The following GPD2 variants were observed in gnomAD, a reference collection of about 807,000 sequenced individuals.
The protein encoded by GPD2 is glycerol-3-phosphate dehydrogenase, mitochondrial.
Under a neutral mutation model 82.4 loss-of-function variants are expected in GPD2, and 54 were observed. That is an observed-to-expected ratio of 0.66 (90% CI 0.53 to 0.82). The LOEUF is 0.82. GPD2 is among the 40% of genes least tolerant of loss of function. GPD2 has a pLI of 0.00. For missense variants in GPD2, 748 were observed against 896.2 expected, an observed-to-expected ratio of 0.83 and a Z score of 2.11; for synonymous variants, 288 against 306.1, an observed-to-expected ratio of 0.94 and a Z score of 0.62.
upstream of GPD2, among the ~76,000 whole-genome samples, chr2:156,430,756 G>A (rs57994443): frequency 6.6e-6 from 1 of 152,184 alleles, no homozygotes; most frequent in Non-Finnish European, 1.5e-5. Context: ...GGAAAAATTT[G>A]TTTTTCTCTA....
At position 156,459,686 on chromosome 2, in the gene GPD2, C is replaced by CAAAAAAAAAAAAAAAAAAAAAAA. The variant is rs564494059; in HGVS notation, c.-8-16411_-8-16389dup. 4.1e-3 allele frequency among the ~76,000 whole-genome samples: 158 copies of CAAAAAAAAAAAAAAAAAAAAAAA among 38,724 alleles called. 5 individuals are homozygous for CAAAAAAAAAAAAAAAAAAAAAAA. The highest frequency in any genetic ancestry group is 9.1e-3 in the South Asian group (6 of 662). 25.4% of individuals were successfully genotyped at this position (38,724 alleles called of 152,430 possible). ...CTGGCGACAGAGCAAGACTCCGTCTCAAAAAAAAAAAAAAAAAAAAAAAGA... is the reference window on the plus strand; with the variant it reads ...CTGGCGACAGAGCAAGACTCCGTCTCAAAAAAAAAAAAAAAAAAAAAAAAAAAAAAAAAAAAAAAAAAAAAAGA... On this transcript the variant is annotated intron_variant, in intron 1 of 16. Coordinates refer to ENST00000438166, the MANE Select transcript of GPD2 (RefSeq NM_000408.5).
chr2:156,536,576 C>A (rs1209359632), intron 6 of GPD2, among the ~76,000 whole-genome samples: 1 of 152,186 alleles, frequency 6.6e-6, no homozygotes, highest in Non-Finnish European at 1.5e-5. Flanking sequence ...CAGCACTTAA[C>A]CTTGACTATG....
In GPD2 at chr2:156,583,190, T is replaced by C. The variant is rs1574027421; in HGVS notation, c.*272T>C. 2.4e-6 allele frequency: 1 copy of C among 417,046 alleles called. No homozygotes were observed. Among genetic ancestry groups the C allele is most frequent in the East Asian group, 5.2e-5 (1 of 19,258 alleles). 25.8% of individuals were successfully genotyped at this position (417,046 alleles called of 1,614,324 possible). Reference sequence around the variant, plus strand: ...AGTTTTGCATCTGTTTTGTGACCTGTTAGATGTGACACATTCTCTTTTTGT... The same window carrying C: ...AGTTTTGCATCTGTTTTGTGACCTGCTAGATGTGACACATTCTCTTTTTGT... On this transcript the variant is annotated 3_prime_UTR_variant, in exon 17 of 17. Transcript: ENST00000438166.
At chr2:156,451,115 TC>T (rs914525211) in intron 1 of GPD2, among the ~76,000 whole-genome samples, 31 of 148,538 alleles carry the variant, frequency 2.1e-4, no homozygotes, top group African/African-American at 6.9e-4. Context: ...TCCCCACCTT[TC>T]CCCCCGTTCT....
At chr2:156,412,758 A>G in the GPD2 span, among the ~76,000 whole-genome samples, 1 of 152,156 alleles carries the variant, frequency 6.6e-6, no homozygotes, top group South Asian at 2.1e-4. Flanking sequence ...TTGGCTTTGG[A>G]TTATCCTAAA....
intron 1 of GPD2, among the ~76,000 whole-genome samples, chr2:156,464,670 ATGAAC>A (rs2105181519): frequency 6.6e-6 from 1 of 152,266 alleles, no homozygotes; most frequent in Non-Finnish European, 1.5e-5. Context: ...TTCTTTTACA[ATGAAC>A]TGAACAATAA....
At chr2:156,419,908 A>G in the GPD2 span, among the ~76,000 whole-genome samples, 1 of 152,358 alleles carries the variant, frequency 6.6e-6, no homozygotes, top group South Asian at 2.1e-4. Flanking sequence ...CAGCATTTTT[A>G]AGGTCTAACA....
intron 6 of GPD2, among the ~76,000 whole-genome samples, chr2:156,529,810 G>A (rs541108383): frequency 0.01 from 1,527 of 151,892 alleles, 28 homozygotes; most frequent in African/African-American, 0.035. Flanking sequence ...CTCTGTTTTC[G>A]TACCAGTACC....
At chr2:156,554,966 C>T (rs994045124) in intron 8 of GPD2, among the ~76,000 whole-genome samples, 2 of 152,186 alleles carry the variant, frequency 1.3e-5, no homozygotes, top group Non-Finnish European at 2.9e-5. Context: ...AGCTTTTCCT[C>T]CTGATGTCAA....
chr2:156,521,598 A>G (rs1411037995), intron 6 of GPD2, among the ~76,000 whole-genome samples: 2 of 152,230 alleles, frequency 1.3e-5, no homozygotes, highest in Non-Finnish European at 2.9e-5. Context: ...CATCAGTTCC[A>G]CAAGCATCCC....
upstream of GPD2, among the ~76,000 whole-genome samples, chr2:156,431,898 T>TG (rs1688320825): frequency 6.7e-6 from 1 of 150,374 alleles, no homozygotes. Flanking sequence ...TTTTTTTTTT[T>TG]TTTTTTGAGA....
At chr2:156,494,591 T>G (rs1205138125) in intron 2 of GPD2, among the ~76,000 whole-genome samples, 1 of 152,218 alleles carries the variant, frequency 6.6e-6, no homozygotes, top group African/African-American at 2.4e-5. Flanking sequence ...TTTGAATGAA[T>G]TTAAAAAATC....
At chr2:156,452,798 G>A (rs755010466) in intron 1 of GPD2, among the ~76,000 whole-genome samples, 1 of 152,136 alleles carries the variant, frequency 6.6e-6, no homozygotes, top group Non-Finnish European at 1.5e-5. Context: ...AGGAAGGAAG[G>A]GGATCTAGTG....
At chr2:156,522,596 T>G (rs1194830597) in intron 6 of GPD2, among the ~76,000 whole-genome samples, 1 of 152,192 alleles carries the variant, frequency 6.6e-6, no homozygotes, top group Non-Finnish European at 1.5e-5. Context: ...CCAGGCATTG[T>G]ACATATATGC....
At chr2:156,536,468 C>G (rs1686085252) in intron 6 of GPD2, among the ~76,000 whole-genome samples, 1 of 152,196 alleles carries the variant, frequency 6.6e-6, no homozygotes, top group Non-Finnish European at 1.5e-5. Context: ...AATTTGTATC[C>G]TCAGCTACGA....
In GPD2 at chr2:156,522,881, A is replaced by G. The variant is rs1032004081; in HGVS notation, c.661+9385A>G. Among the ~76,000 whole-genome samples, 4 of 152,214 alleles carry G rather than the reference A, an allele frequency of 2.6e-5. No individual in the cohort carries two copies. The East Asian group carries it at 7.7e-4, about 29-fold the overall frequency. ...GACTTTACAAAATGAAGATTATAGC[A>G]TCATGGCTTCTTTCAGCTATGATTG... On this transcript the variant is annotated intron_variant, in intron 6 of 16. Transcript: ENST00000438166.
chr2:156,445,341 A>T (rs993045756), intron 1 of GPD2, among the ~76,000 whole-genome samples: 1 of 152,226 alleles, frequency 6.6e-6, no homozygotes, highest in African/African-American at 2.4e-5. Flanking sequence ...TCGAGAGATA[A>T]TCCTATTCCT....
intron 3 of GPD2, among the ~76,000 whole-genome samples, chr2:156,508,062 A>G (rs975316296): frequency 3.3e-5 from 5 of 152,084 alleles, no homozygotes; most frequent in African/African-American, 4.8e-5. Context: ...TTGTGTCACT[A>G]CAAAACTATC....
At chr2:156,426,593 G>A in the GPD2 span, among the ~76,000 whole-genome samples, 20 of 152,264 alleles carry the variant, frequency 1.3e-4, no homozygotes, top group African/African-American at 4.6e-4. Context: ...ATACACAAGT[G>A]GTGCTCAACA....
Sources: allele counts gnomAD v4.1 joint callset (sites outside exome capture counted in the v4.1 genomes callset), GRCh38; gene constraint gnomAD v4.1.1; transcripts MANE v1.5; gene names NCBI Gene and HGNC (gene_info 2026-07-23, HGNC 2026-07-21).